CTNND2: variants seen among roughly 807,000 people sequenced by gnomAD.
CTNND2 encodes the protein catenin delta 2.
A neutral mutation model predicts 144.4 loss-of-function variants in CTNND2; 22 were observed. The ratio of observed to expected loss-of-function variants is 0.15; its 90% CI spans 0.11 to 0.22. The LOEUF is 0.22. Among genes scored for constraint, CTNND2 ranks in the 10% least tolerant of loss-of-function variants. The pLI is 1.00. For missense variants in CTNND2, 1,353 were observed against 1,618.8 expected (o/e 0.84, Z 2.82); for synonymous variants, 751 against 695.6 (o/e 1.08, Z -1.25).
chr5:11,665,399 T>A (rs1283540244), intron 2 of CTNND2, among the ~76,000 whole-genome samples: 1 of 152,222 alleles, frequency 6.6e-6, no homozygotes, highest in Non-Finnish European at 1.5e-5. Context: ...CATCTAGCTT[T>A]ACCATATAGC....
chr5:11,394,204 C>T (rs1454650540), intron 6 of CTNND2, among the ~76,000 whole-genome samples: 4 of 152,218 alleles, frequency 2.6e-5, no homozygotes, highest in African/African-American at 4.8e-5. Context: ...GTGCAATTTA[C>T]TTATTTGCTG....
chr5:11,548,587 T>C (rs1775465969), intron 3 of CTNND2, among the ~76,000 whole-genome samples: 1 of 152,200 alleles, frequency 6.6e-6, no homozygotes, highest in South Asian at 2.1e-4. Context: ...ATATTTTTAT[T>C]TGGAAGTATC....
At chr5:11,502,235 T>C (rs112065798) in intron 3 of CTNND2, among the ~76,000 whole-genome samples, 1,974 of 152,252 alleles carry the variant, frequency 0.013, 21 homozygotes, top group Admixed American at 0.022. Context: ...AAATTTGCTA[T>C]GAAGTCCAAG....
intron 2 of CTNND2, among the ~76,000 whole-genome samples, chr5:11,689,383 C>A (rs1013164043): frequency 1.3e-5 from 2 of 152,206 alleles, no homozygotes; most frequent in African/African-American, 4.8e-5. Context: ...CTTCTCTCCA[C>A]ATACATTTGT....
At chr5:11,778,992 C>T (rs1790402168) in intron 1 of CTNND2, among the ~76,000 whole-genome samples, 1 of 152,232 alleles carries the variant, frequency 6.6e-6, no homozygotes, top group East Asian at 1.9e-4. Context: ...AATATTGACA[C>T]ATCCTTTAAA....
intron 2 of CTNND2, among the ~76,000 whole-genome samples, chr5:11,694,616 TGTTA>T (rs2126656637): frequency 6.6e-6 from 1 of 152,222 alleles, no homozygotes; most frequent in African/African-American, 2.4e-5. Flanking sequence ...ATACCCTGTT[TGTTA>T]ATTTGGGGGT....
intron 3 of CTNND2, among the ~76,000 whole-genome samples, chr5:11,550,449 A>G (rs1364304115): frequency 1.3e-5 from 2 of 152,242 alleles, no homozygotes; most frequent in African/African-American, 4.8e-5. Flanking sequence ...TCATTCCCAC[A>G]TTAGGGAGAG....
At chr5:11,322,776 G>A (rs755850500) in intron 9 of CTNND2, among the ~76,000 whole-genome samples, 4 of 152,058 alleles carry the variant, frequency 2.6e-5, no homozygotes, top group Non-Finnish European at 4.4e-5. Flanking sequence ...TCCTTCGGCA[G>A]GTAACAAAGC....
At chr5:11,418,159 C>A (rs1762065483) in intron 3 of CTNND2, among the ~76,000 whole-genome samples, 1 of 152,058 alleles carries the variant, frequency 6.6e-6, no homozygotes, top group Non-Finnish European at 1.5e-5. Context: ...ATAATCCCAG[C>A]ACTTCAGGAG....
intron 1 of CTNND2, among the ~76,000 whole-genome samples, chr5:11,838,691 A>G (rs541494501): frequency 4.7e-4 from 72 of 152,338 alleles, no homozygotes; most frequent in African/African-American, 1.3e-3. Flanking sequence ...TCTTTGCTAG[A>G]GTATGATACT....
intron 3 of CTNND2, among the ~76,000 whole-genome samples, chr5:11,491,235 T>G (rs980720823): frequency 3.9e-5 from 6 of 152,174 alleles, no homozygotes; most frequent in Non-Finnish European, 8.8e-5. Context: ...CAGTGACACA[T>G]GTCCACCTCC....
At chr5:11,376,252 A>T (rs950229713) in intron 7 of CTNND2, among the ~76,000 whole-genome samples, 37 of 151,822 alleles carry the variant, frequency 2.4e-4, no homozygotes, top group Admixed American at 1.8e-3. Context: ...AGCCATGGAA[A>T]AAGCTGTGGC....
intron 1 of CTNND2, among the ~76,000 whole-genome samples, chr5:11,842,307 C>G (rs1344864931): frequency 6.6e-6 from 1 of 152,042 alleles, no homozygotes; most frequent in Admixed American, 6.6e-5. Context: ...GCTTGATGGG[C>G]TGAATATAGT....
At chr5:11,005,178 TG>T (rs1320236115) in intron 18 of CTNND2, among the ~76,000 whole-genome samples, 1 of 152,180 alleles carries the variant, frequency 6.6e-6, no homozygotes, top group Non-Finnish European at 1.5e-5. Flanking sequence ...GGGGAGGAAT[TG>T]ACCTGTGCCC....
At chr5:11,600,492 A>C (rs1049794005) in intron 2 of CTNND2, among the ~76,000 whole-genome samples, 2 of 152,034 alleles carry the variant, frequency 1.3e-5, no homozygotes, top group Non-Finnish European at 2.9e-5. Flanking sequence ...GACCACTTGA[A>C]GTCAGGAGTT....
intron 2 of CTNND2, among the ~76,000 whole-genome samples, chr5:11,591,216 T>A (rs185058): frequency 0.8 from 121,082 of 152,118 alleles, 48,645 homozygotes; most frequent in Middle Eastern, 0.92. Context: ...GTGTCCCTGG[T>A]ATTATGCCCT....
At chr5:11,719,472 T>C (rs1401624020) in intron 2 of CTNND2, among the ~76,000 whole-genome samples, 1 of 152,176 alleles carries the variant, frequency 6.6e-6, no homozygotes, top group Non-Finnish European at 1.5e-5. Context: ...CGCTACATAA[T>C]AAATTGTCTG....
chr5:11,509,465 C>A (rs1218101639), intron 3 of CTNND2, among the ~76,000 whole-genome samples: 1 of 151,148 alleles, frequency 6.6e-6, no homozygotes, highest in Non-Finnish European at 1.5e-5. Context: ...ACTTTAAGGG[C>A]AAAAAAGGCA....
At chr5:11,362,861 TA>T (rs567556031) in intron 8 of CTNND2, among the ~76,000 whole-genome samples, 28 of 152,290 alleles carry the variant, frequency 1.8e-4, no homozygotes, top group African/African-American at 5.3e-4. Flanking sequence ...AGATAGTAAA[TA>T]TTCTTGGTTT....
Sources: gnomAD v4.1 joint callset for allele counts (sites outside exome capture counted in the v4.1 genomes callset) on GRCh38, gnomAD v4.1.1 for gene constraint, MANE v1.5 for transcripts, NCBI Gene and HGNC (gene_info 2026-07-23, HGNC 2026-07-21) for gene names.